The following ANKS1B variants were observed in gnomAD, a reference collection of about 807,000 sequenced individuals.
The protein encoded by ANKS1B is ankyrin repeat and sterile alpha motif domain containing 1B.
In ANKS1B, 36 loss-of-function variants were observed where a neutral mutation model predicts 148.3. The ratio of observed to expected loss-of-function variants is 0.24; its 90% CI spans 0.19 to 0.32. ANKS1B has a LOEUF of 0.32. ANKS1B is among the 10% of genes least tolerant of loss of function. ANKS1B has a pLI of 1.00. For synonymous variants in ANKS1B, 542 were observed against 560.8 expected, an observed-to-expected ratio of 0.97 and a Z score of 0.47; for missense variants, 1,157 against 1,542.6, an observed-to-expected ratio of 0.75 and a Z score of 4.19.
intron 2 of ANKS1B, among the ~76,000 whole-genome samples, chr12:99,817,369 T>A (rs1005397100): frequency 6.6e-6 from 1 of 151,768 alleles, no homozygotes; most frequent in Non-Finnish European, 1.5e-5. Context: ...GGTTGAATAA[T>A]ATTCTATTGT....
intron 14 of ANKS1B, among the ~76,000 whole-genome samples, chr12:99,209,573 A>G (rs1319234481): frequency 1.3e-5 from 2 of 152,316 alleles, no homozygotes; most frequent in East Asian, 3.9e-4. Context: ...AACAAGTCTC[A>G]TGCTTGATGT....
At chr12:98,994,853 C>T (rs2099928586) in intron 17 of ANKS1B, among the ~76,000 whole-genome samples, 1 of 152,150 alleles carries the variant, frequency 6.6e-6, no homozygotes, top group Admixed American at 6.5e-5. Flanking sequence ...GCTTAATCAC[C>T]TCTTTGAAGA....
chr12:99,101,036 T>C (rs1020849801), intron 15 of ANKS1B, among the ~76,000 whole-genome samples: 1 of 152,104 alleles, frequency 6.6e-6, no homozygotes, highest in African/African-American at 2.4e-5. Context: ...GGTTGCAGCA[T>C]GAACAAGGGC....
chr12:99,468,217 G>A (rs527426859), intron 10 of ANKS1B, among the ~76,000 whole-genome samples: 129 of 152,222 alleles, frequency 8.5e-4, no homozygotes, highest in African/African-American at 1.9e-3. Flanking sequence ...AAATGGTGCT[G>A]GGAAAACTGG....
intron 17 of ANKS1B, among the ~76,000 whole-genome samples, chr12:99,024,537 T>C (rs776800437): frequency 2.0e-5 from 3 of 152,244 alleles, no homozygotes; most frequent in Non-Finnish European, 4.4e-5. Context: ...TGATTGGTCA[T>C]TGGATAGACA....
intron 17 of ANKS1B, chr12:99,049,062 T>C (rs1471067723): frequency 2.6e-5 from 4 of 152,246 alleles, no homozygotes; most frequent in Non-Finnish European, 5.9e-5. Context: ...GCCTTCGGCT[T>C]TGATTAAAGT....
intron 12 of ANKS1B, among the ~76,000 whole-genome samples, chr12:99,313,714 A>T (rs1397332649): frequency 6.6e-6 from 1 of 152,332 alleles, no homozygotes; most frequent in East Asian, 1.9e-4. Context: ...ATAAAATTCA[A>T]CATCCCTTCA....
In ANKS1B at chr12:99,914,177, C is replaced by T. The variant is rs1011880492; in HGVS notation, c.134+69927G>A. ...GCTTTTGGGGAAAACCCTAATAAGA[C>T]TGTTGGTAATAGAAATAGCACTAGA... On this transcript the variant is annotated intron_variant, in intron 1 of 26. Transcript: ENST00000683438. Among the ~76,000 whole-genome samples, 7 of 152,270 alleles carry T rather than the reference C, an allele frequency of 4.6e-5. No homozygotes were observed. The South Asian group carries it at 8.3e-4, about 18-fold the overall frequency.
intron 17 of ANKS1B, among the ~76,000 whole-genome samples, chr12:99,050,987 A>G (rs112101911): frequency 0.011 from 1,719 of 151,828 alleles, 45 homozygotes; most frequent in East Asian, 0.093. Flanking sequence ...GTGAACCACC[A>G]CGCCTGACTA....
chr12:99,441,804 ACC>A (rs2095554621), intron 11 of ANKS1B, among the ~76,000 whole-genome samples: 2 of 151,918 alleles, frequency 1.3e-5, no homozygotes, highest in Non-Finnish European at 2.9e-5. Context: ...CTTTAATTCT[ACC>A]TCTAGATTTC....
At position 99,246,262 on chromosome 12, in the gene ANKS1B, G is replaced by A. The variant is rs1284336029; in HGVS notation, c.2346+13C>T. On this transcript the variant is annotated intron_variant, in intron 13 of 26. Coordinates refer to ENST00000683438, the MANE Select transcript of ANKS1B (RefSeq NM_001352186.2). ...AGCCTTATAGGATGAACAGCAAGAA[G>A]AACAAAGCTTACTTCTTCCCATTCC... The A allele has an allele frequency of 6.5e-7, 1 of 1,537,268 alleles. No homozygotes were observed. The highest frequency in any genetic ancestry group is 8.8e-7 in the Non-Finnish European group (1 of 1,141,762).
intron 17 of ANKS1B, among the ~76,000 whole-genome samples, chr12:98,953,822 T>C (rs147984705): frequency 6.6e-6 from 1 of 152,300 alleles, no homozygotes; most frequent in African/African-American, 2.4e-5. Context: ...TTCTGTTGAC[T>C]GTCCTGGAAT....
chr12:99,717,926 C>G (rs1230105122), intron 8 of ANKS1B, among the ~76,000 whole-genome samples: 2 of 112,062 alleles, frequency 1.8e-5, no homozygotes, highest in African/African-American at 6.8e-5. Context: ...TTTTTTGAGA[C>G]GGAGTCTCGC....
At chr12:98,794,175 T>C (rs2098922733) in intron 22 of ANKS1B, among the ~76,000 whole-genome samples, 1 of 152,024 alleles carries the variant, frequency 6.6e-6, no homozygotes, top group Non-Finnish European at 1.5e-5. Flanking sequence ...GTGGATTACT[T>C]GAGGCCAGGA....
At chr12:99,433,207 TTAAAAA>T (rs1209659605) in intron 11 of ANKS1B, among the ~76,000 whole-genome samples, 5 of 152,098 alleles carry the variant, frequency 3.3e-5, no homozygotes, top group Non-Finnish European at 7.4e-5. Flanking sequence ...CTTGATGCCC[TTAAAAA>T]TTAATAACAC....
At chr12:99,811,255 T>C (rs2068319829) in intron 3 of ANKS1B, among the ~76,000 whole-genome samples, 1 of 151,958 alleles carries the variant, frequency 6.6e-6, no homozygotes, top group Non-Finnish European at 1.5e-5. Flanking sequence ...TCTGCATCCA[T>C]TTGAACAATA....
At chr12:99,340,520 A>G (rs1308268271) in intron 12 of ANKS1B, among the ~76,000 whole-genome samples, 1 of 151,954 alleles carries the variant, frequency 6.6e-6, no homozygotes, top group Non-Finnish European at 1.5e-5. Context: ...CCTAGATGGT[A>G]TATATTTTTT....
chr12:99,692,693 A>G (rs2053295559), intron 8 of ANKS1B, among the ~76,000 whole-genome samples: 1 of 151,944 alleles, frequency 6.6e-6, no homozygotes, highest in Admixed American at 6.6e-5. Flanking sequence ...AAGGAAAAGA[A>G]AAAGAAATGA....
intron 1 of ANKS1B, among the ~76,000 whole-genome samples, chr12:99,912,797 A>G (rs1386135096): frequency 6.6e-6 from 1 of 152,192 alleles, no homozygotes; most frequent in Non-Finnish European, 1.5e-5. Flanking sequence ...TCTGTACTCT[A>G]TTCATGAAAT....
Sources: allele counts gnomAD v4.1 joint callset (sites outside exome capture counted in the v4.1 genomes callset), GRCh38; gene constraint gnomAD v4.1.1; transcripts MANE v1.5; gene names NCBI Gene and HGNC (gene_info 2026-07-23, HGNC 2026-07-21).